The following PIGL variants were observed in gnomAD, a reference collection of about 807,000 sequenced individuals.
PIGL encodes the protein phosphatidylinositol glycan anchor biosynthesis class L, also known as N-acetylglucosaminyl-phosphatidylinositol de-N-acetylase.
Under a neutral mutation model 31.1 loss-of-function variants are expected in PIGL, and 22 were observed. The observed-to-expected ratio is 0.71, with a 90% CI of 0.51 to 1.01. PIGL has a LOEUF of 1.01. Ranked by LOEUF, PIGL falls within the 50% of genes least tolerant of loss-of-function variation. PIGL has a pLI of 0.00. For missense variants in PIGL, 302 were observed against 315.9 expected (o/e 0.96, Z 0.33); for synonymous variants, 131 against 117.4 (o/e 1.12, Z -0.75).
intron 2 of PIGL, among the ~76,000 whole-genome samples, chr17:16,259,693 T>C (rs1474585119): frequency 4.6e-5 from 7 of 152,060 alleles, no homozygotes; most frequent in Non-Finnish European, 8.8e-5. Context: ...CAGCGGCCTG[T>C]TTGGAGTGGT....
intron 2 of PIGL, among the ~76,000 whole-genome samples, chr17:16,277,040 A>G (rs1349689390): frequency 6.6e-6 from 1 of 152,200 alleles, no homozygotes; most frequent in Non-Finnish European, 1.5e-5. Context: ...GAGTTGGGTA[A>G]ATTTCTCTCT....
At position 16,272,485 on chromosome 17, in the gene PIGL, A is replaced by C. The variant is rs192608353; in HGVS notation, c.336-27403A>C. Among the ~76,000 whole-genome samples, 10 of 152,320 alleles carry C rather than the reference A, an allele frequency of 6.6e-5. No individual in the cohort carries two copies. In the East Asian group the frequency reaches 1.9e-3, roughly 29 times the overall value. ...TAAAAACAAATAAACAAAAACCTCT[A>C]CTTAACCCTCCTCATCCCATTACTG... On this transcript the variant is annotated intron_variant, in intron 2 of 6. Coordinates refer to ENST00000225609, the MANE Select transcript of PIGL (RefSeq NM_004278.4).
At chr17:16,219,065 A>ATTTTTTTTTTTTTTTT (rs766541353) in intron 1 of PIGL, among the ~76,000 whole-genome samples, 1 of 81,642 alleles carries the variant, frequency 1.2e-5, no homozygotes, top group African/African-American at 4.2e-5. Flanking sequence ...TTTTTTATAA[A>ATTTTTTTTTTTTTTTT]TTTTTTTTTT....
In PIGL at chr17:16,306,979, G is replaced by C. The variant is rs551365071; in HGVS notation, c.427-6568G>C. Among the ~76,000 whole-genome samples the C allele has an allele frequency of 2.0e-5, 3 of 152,324 alleles. No homozygotes were observed. In the South Asian group the frequency reaches 6.2e-4, roughly 32 times the overall value. ...CCCTGGGAAAGCCTTTCTCTGCAGA[G>C]CACTTGATCCCACGGAAACTTGGCA... On this transcript the variant is annotated intron_variant, in intron 3 of 6. Coordinates refer to ENST00000225609, the MANE Select transcript of PIGL (RefSeq NM_004278.4).
intron 2 of PIGL, among the ~76,000 whole-genome samples, chr17:16,257,787 G>T (rs886656958): frequency 6.6e-6 from 1 of 151,452 alleles, no homozygotes; most frequent in Admixed American, 6.6e-5. Context: ...TATTTCCACC[G>T]GGCACGGTGG....
intron 1 of PIGL, among the ~76,000 whole-genome samples, chr17:16,232,280 G>GA (rs1294095634): frequency 6.6e-6 from 1 of 151,920 alleles, no homozygotes; most frequent in South Asian, 2.1e-4. Context: ...CTCTGTCTCA[G>GA]AAAAAAGGAA....
chr17:16,277,645 T>C (rs74940450), intron 2 of PIGL, among the ~76,000 whole-genome samples: 4,044 of 152,288 alleles, frequency 0.027, 69 homozygotes, highest in East Asian at 0.062. Context: ...AATGTCACAA[T>C]TTACAAAGTT....
At chr17:16,324,679 T>C (rs2093119821) in intron 6 of PIGL, among the ~76,000 whole-genome samples, 2 of 152,212 alleles carry the variant, frequency 1.3e-5, no homozygotes, top group African/African-American at 4.8e-5. Flanking sequence ...GGTCTGACAA[T>C]GAATATAAAA....
chr17:16,254,173 G>A (rs1310522473), intron 2 of PIGL, among the ~76,000 whole-genome samples: 2 of 152,040 alleles, frequency 1.3e-5, no homozygotes, highest in Non-Finnish European at 2.9e-5. Context: ...AGATCCCATG[G>A]CATCATCCCT....
intron 1 of PIGL, among the ~76,000 whole-genome samples, chr17:16,228,728 C>T (rs756296433): frequency 6.6e-6 from 1 of 152,184 alleles, no homozygotes; most frequent in Non-Finnish European, 1.5e-5. Context: ...TGGCAGTAAG[C>T]ACTTTCATAG....
intron 3 of PIGL, among the ~76,000 whole-genome samples, chr17:16,310,960 TC>T (rs2093046763): frequency 6.6e-6 from 1 of 152,330 alleles, no homozygotes; most frequent in Admixed American, 6.5e-5. Context: ...TTCCTGAACT[TC>T]CTCAGGTGTA....
At position 16,234,061 on chromosome 17, in the gene PIGL, T is replaced by C. The variant is rs1041649845; in HGVS notation, c.326T>C (p.Ile109Thr). 7.1e-6 allele frequency: 11 copies of C among 1,547,262 alleles called. No homozygotes were observed. The highest frequency in any genetic ancestry group is 2.7e-5 in the African/African-American group (2 of 73,742). ...ATTCCACTCTCCAGTGTAATGATTA[T>C]TGACAACAGGTAATATATCTTTTAA... ...LGIPLSSVMI[I>T]DNRDFPDDPG... Residue 109 changes from isoleucine (I) to threonine (T), a missense_variant, in exon 2 of 7, where the codon ATT becomes ACT. Ile to Thr is a moderately conservative substitution (Grantham distance 89, BLOSUM62 -1). Coordinates refer to ENST00000225609, the MANE Select transcript of PIGL (RefSeq NM_004278.4).
intron 2 of PIGL, among the ~76,000 whole-genome samples, chr17:16,264,647 T>G (rs2092834607): frequency 8.7e-6 from 1 of 115,246 alleles, no homozygotes; most frequent in African/African-American, 3.1e-5. Context: ...TTATTATTAT[T>G]ATTTTGAGAC....
intron 2 of PIGL, among the ~76,000 whole-genome samples, chr17:16,241,723 T>C (rs571118633): frequency 6.6e-6 from 1 of 152,064 alleles, no homozygotes; most frequent in South Asian, 2.1e-4. Flanking sequence ...TTGAGAAAAT[T>C]ATAAGGAAAA....
intron 2 of PIGL, among the ~76,000 whole-genome samples, chr17:16,283,054 G>A (rs2092923097): frequency 6.6e-6 from 1 of 151,656 alleles, no homozygotes. Flanking sequence ...CCAGGTTGGA[G>A]TGCAATGGCA....
intron 2 of PIGL, among the ~76,000 whole-genome samples, chr17:16,245,845 A>T (rs1263054744): frequency 6.9e-6 from 1 of 145,376 alleles, no homozygotes; most frequent in Non-Finnish European, 1.5e-5. Context: ...GGAGTCTCGG[A>T]GTCTCCCTCT....
chr17:16,279,912 A>C (rs917813223), intron 2 of PIGL: 2 of 152,212 alleles, frequency 1.3e-5, no homozygotes, highest in South Asian at 2.1e-4. Flanking sequence ...GAGCTAGATG[A>C]CTATAGCCAG....
intron 2 of PIGL, among the ~76,000 whole-genome samples, chr17:16,265,775 C>G (rs1427473672): frequency 4.0e-5 from 6 of 151,610 alleles, no homozygotes; most frequent in South Asian, 2.1e-4. Flanking sequence ...TTCTTAGAAA[C>G]AGCTGGGTCT....
At chr17:16,279,165 G>A (rs547650838) in intron 2 of PIGL, among the ~76,000 whole-genome samples, 5 of 152,298 alleles carry the variant, frequency 3.3e-5, no homozygotes, top group African/African-American at 4.8e-5. Context: ...AGATGTTACC[G>A]GGAAGGAGTC....
Sources: allele counts gnomAD v4.1 joint callset (sites outside exome capture counted in the v4.1 genomes callset), GRCh38; gene constraint gnomAD v4.1.1; transcripts MANE v1.5; gene names NCBI Gene and HGNC (gene_info 2026-07-23, HGNC 2026-07-21).